DNHD1: variants seen among roughly 807,000 people sequenced by gnomAD.
The protein encoded by DNHD1 is dynein heavy chain domain 1, also known as dynein heavy chain domain-containing protein 1.
DNHD1 carries 383 observed loss-of-function variants against 458.1 expected under a neutral mutation model. The observed-to-expected ratio is 0.84, with a 90% confidence interval of 0.77 to 0.91. The LOEUF (loss-of-function observed/expected upper bound fraction) is 0.91, where lower values mean the gene tolerates loss of function less well. Ranked by LOEUF, DNHD1 falls within the 40% of genes least tolerant of loss-of-function variation. The pLI is 0.00. For synonymous variants in DNHD1, 2,203 were observed against 2,376.9 expected (o/e 0.93, Z 2.13); for missense variants, 5,336 against 5,866.1 (o/e 0.91, Z 2.95).
intron 36 of DNHD1, 92 bp downstream of exon 36, chr11:6,567,952 G>C (rs1308883878): frequency 6.7e-7 from 1 of 1,485,894 alleles, no homozygotes; most frequent in Non-Finnish European, 9.0e-7. Context: ...GGATCTTTCT[G>C]TACTACGTAG....
intron 18 of DNHD1, among the ~76,000 whole-genome samples, chr11:6,541,177 C>G (rs1022375041): frequency 6.6e-6 from 1 of 152,174 alleles, no homozygotes; most frequent in Non-Finnish European, 1.5e-5. Flanking sequence ...GACACTGTCT[C>G]TATGTGACTT....
In DNHD1 at chr11:6,566,011, C is replaced by G. The variant is rs1853687278; in HGVS notation, c.11053+20C>G. On this transcript the variant is annotated intron_variant, in intron 33 of 42. Transcript: ENST00000254579. Reference sequence around the variant, plus strand: ...CTTGTGGTGAGAGCTGGTCCCCACCCACCCTGGCCCCTTTTTGACTTGCCC... The same window carrying G: ...CTTGTGGTGAGAGCTGGTCCCCACCGACCCTGGCCCCTTTTTGACTTGCCC... The G allele has an allele frequency of 1.3e-6, 2 of 1,548,804 alleles. No individual in the cohort carries two copies. The highest frequency in any genetic ancestry group is 1.7e-6 in the Non-Finnish European group (2 of 1,145,184).
intron 11 of DNHD1, 38 bp from the exon 12 acceptor site, chr11:6,528,840 C>T (rs771889937): frequency 1.9e-6 from 3 of 1,550,222 alleles, no homozygotes. Flanking sequence ...CCCATTATAG[C>T]CGCATGCCTC....
chr11:6,508,769 T>C, intron 4 of DNHD1, 111 bp from the exon 5 acceptor site: 1 of 921,646 alleles, frequency 1.1e-6, no homozygotes, highest in South Asian at 1.6e-5. Flanking sequence ...TTTTCTCCTT[T>C]CTTCTGCCTG....
In DNHD1 at chr11:6,509,156, T is replaced by G. The variant is rs757262891; in HGVS notation, c.1125-6T>G. ...CAGTATATTATCACTGACCTCTAAT[T>G]TCTAGTTGGAAGAAGAATGTGAGAT... is the stretch of plus-strand genomic sequence containing the variant. On this transcript the variant is annotated splice_polypyrimidine_tract_variant and splice_region_variant and intron_variant, in intron 5 of 42. Transcript: ENST00000254579. 2 of 1,614,146 alleles carry G rather than the reference T, an allele frequency of 1.2e-6. No individual in the cohort carries two copies. The highest frequency in any genetic ancestry group is 3.3e-5 in the Admixed American group (2 of 60,020).
rs372920067 is a variant in DNHD1 at position 6,512,366 on chromosome 11, A to G, written c.1392+937A>G. On this transcript the variant is annotated intron_variant, in intron 7 of 42. Coordinates refer to ENST00000254579, the MANE Select transcript of DNHD1 (RefSeq NM_144666.3). ...CTCCCAAGTAGCTGGGACTACAGGCACCCACCACCATGCCCGGCTAATTTT... is the reference window on the plus strand; with the variant it reads ...CTCCCAAGTAGCTGGGACTACAGGCGCCCACCACCATGCCCGGCTAATTTT... Among the ~76,000 whole-genome samples the G allele has an allele frequency of 5.1e-3, 759 of 147,998 alleles. 2 individuals carry two copies. Among genetic ancestry groups the G allele is most frequent in the Non-Finnish European group, 7.8e-3 (529 of 67,684 alleles).
At chr11:6,543,827 G>A (rs1853149387) in intron 18 of DNHD1, among the ~76,000 whole-genome samples, 1 of 151,982 alleles carries the variant, frequency 6.6e-6, no homozygotes, top group Non-Finnish European at 1.5e-5. Context: ...CGGACATGGT[G>A]GCACACACCT....
rs966502193 is a variant in DNHD1, at chr11:6,544,635, G to A, written c.3816G>A (p.Leu1272=). 3.2e-6 allele frequency: 5 copies of A among 1,551,480 alleles called. No homozygotes were observed. The African/African-American group carries it at 4.1e-5, about 13-fold the overall frequency. The change falls in exon 20 of 43, where the codon CTG becomes CTA. Residue 1272 remains leucine, a synonymous_variant. Transcript: ENST00000254579. ...QQKWIFLNKV[L]HEMKIQFPNA... is the part of the protein sequence containing the mutation. ...AGTGGATTTTTCTGAATAAAGTTCTGCATGAGATGAAGATCCAGTTTCCTA... is the reference window on the plus strand; with the variant it reads ...AGTGGATTTTTCTGAATAAAGTTCTACATGAGATGAAGATCCAGTTTCCTA...
Position 6,522,918 on chromosome 11 carries a change from G to A in DNHD1, c.1837+2629G>A, listed in dbSNP as rs569907732. 7.9e-5 allele frequency among the ~76,000 whole-genome samples: 12 copies of A among 152,272 alleles called. No homozygotes were observed. In the East Asian group the frequency reaches 1.2e-3, roughly 15 times the overall value. On this transcript the variant is annotated intron_variant, in intron 10 of 42. Coordinates refer to ENST00000254579, the MANE Select transcript of DNHD1 (RefSeq NM_144666.3). ...AACATATTCTCCAGTCTTAAACGGC[G>A]TTCTCCAATATTTTCCAGAGAACAT...
intron 7 of DNHD1, among the ~76,000 whole-genome samples, chr11:6,514,149 G>A (rs1852406482): frequency 6.6e-6 from 1 of 152,038 alleles, no homozygotes; most frequent in South Asian, 2.1e-4. Flanking sequence ...TGTCTCCCAG[G>A]CTGGAGTGCA....
chr11:6,533,192 C>A lies in DNHD1; in HGVS notation c.2505+8C>A. 1 of 1,550,808 alleles carries A rather than the reference C, an allele frequency of 6.4e-7. No individual in the cohort carries two copies. The highest frequency in any genetic ancestry group is 8.7e-7 in the Non-Finnish European group (1 of 1,146,648). ...GCACAGTGCACCCAGAAGGTGGGCT[C>A]TCCCCATCCATCCTTCCCAGTTTAT... On this transcript the variant is annotated splice_region_variant and intron_variant, in intron 13 of 42. Transcript: ENST00000254579.
rs1853219703 is a variant in DNHD1, at chr11:6,546,454, ACT to A, written c.5518_5519del (p.Leu1840AlafsTer24). ...LPDLRQVAELTLLGAGMRDAF... is the reference protein window; with the variant it reads ...LPDLRQVAELXLLGAGMRDAF... ...TGATCTGCGGCAAGTGGCAGAGCTG[ACT>A]CTGCTGGGTGCAGGGATGAGGGATG... On this transcript the variant is annotated frameshift_variant, in exon 21 of 43. Coordinates refer to ENST00000254579, the MANE Select transcript of DNHD1 (RefSeq NM_144666.3). 3 of 1,551,062 alleles carry A rather than the reference ACT, an allele frequency of 1.9e-6. No homozygotes were observed. The highest frequency in any genetic ancestry group is 2.6e-6 in the Non-Finnish European group (3 of 1,146,962).
rs553948939 is a variant in DNHD1, at chr11:6,567,642, C to T, written c.12133C>T (p.Arg4045Cys). The change falls in exon 36 of 43, where the codon CGC becomes TGC. Residue 4045 changes from arginine to cysteine, a missense_variant. This residue lies in a region of DNHD1 where 695 missense variants were observed against 804.2 expected (regional missense o/e 0.86). Coordinates refer to ENST00000254579, the MANE Select transcript of DNHD1 (RefSeq NM_144666.3). ...LSLLQKLILW[R>C]VLRPECLAGA... is the part of the protein sequence containing the mutation. ...CCTCCTCCAGAAGCTGATCCTGTGG[C>T]GCGTTCTGCGACCTGAGTGCCTGGC... The T allele has an allele frequency of 8.1e-6, 13 of 1,613,954 alleles. No individual in the cohort carries two copies. The highest frequency in any genetic ancestry group is 6.7e-5 in the African/African-American group (5 of 75,074).
chr11:6,503,120 A>C, intron 4 of DNHD1, 194 bp downstream of exon 4: 1 of 533,538 alleles, frequency 1.9e-6, no homozygotes, highest in Non-Finnish European at 3.2e-6. Context: ...CCTCCCCTTC[A>C]CTCCCTGTTG....
chr11:6,539,441 G>A, intron 17 of DNHD1, 128 bp downstream of exon 17: 1 of 698,080 alleles, frequency 1.4e-6, no homozygotes, highest in Non-Finnish European at 2.4e-6. Context: ...TGCCTGAAGG[G>A]CAGGAACAGT....
intron 35 of DNHD1, 22 bp downstream of exon 35, chr11:6,566,787 G>A (rs551544731): frequency 6.5e-5 from 105 of 1,605,198 alleles, no homozygotes; most frequent in Non-Finnish European, 8.4e-5. Context: ...CTCAGTCTGT[G>A]GGTTGAGATG....
chr11:6,571,491 AC>A lies in DNHD1; in HGVS notation c.13911+72del. On this transcript the variant is annotated intron_variant, in intron 42 of 42. Transcript: ENST00000254579. This position sits in a 1 kb window ranked among gnomAD's most constrained non-coding sequence, Gnocchi z 5.0. ...AAGTCTCTAATTACACCTCGCAGTT[AC>A]CCCTTCTTGGTGATCTTGCCCCCGG... The A allele has an allele frequency of 2.7e-6, 4 of 1,477,490 alleles. No homozygotes were observed. Among genetic ancestry groups the A allele is most frequent in the Non-Finnish European group, 3.6e-6 (4 of 1,107,558 alleles). The allele number at this position is 1,477,490 out of a possible 1,614,324, so 91.5% of individuals were successfully genotyped here.
At position 6,544,781 on chromosome 11, in the gene DNHD1, C is replaced by T; in HGVS notation, c.3853-11C>T. The T allele has an allele frequency of 1.3e-6, 2 of 1,548,842 alleles. No individual in the cohort carries two copies. The highest frequency in any genetic ancestry group is 1.7e-6 in the Non-Finnish European group (2 of 1,144,628). ...TATTGGCCCTCACTTTTATCCTCTCCCTCACCACAGAACTCTCGTTTCAAG... is the reference window on the plus strand; with the variant it reads ...TATTGGCCCTCACTTTTATCCTCTCTCTCACCACAGAACTCTCGTTTCAAG... On this transcript the variant is annotated splice_polypyrimidine_tract_variant and intron_variant, in intron 20 of 42. Coordinates refer to ENST00000254579, the MANE Select transcript of DNHD1 (RefSeq NM_144666.3).
At chr11:6,551,436 T>G (rs981919918) in intron 24 of DNHD1, among the ~76,000 whole-genome samples, 2 of 151,914 alleles carry the variant, frequency 1.3e-5, no homozygotes, top group African/African-American at 2.4e-5. Flanking sequence ...CCAAAGCAAT[T>G]AAAAGGAAAT....
Sources: gnomAD v4.1 joint callset for allele counts (sites outside exome capture counted in the v4.1 genomes callset) on GRCh38, gnomAD v4.1.1 for gene constraint, gnomAD v4.1.1 regional missense constraint, Gnocchi (gnomAD v3.1) non-coding constraint, MANE v1.5 for transcripts, NCBI Gene and HGNC (gene_info 2026-07-23, HGNC 2026-07-21) for gene names.